MPV17L: variants seen among roughly 807,000 people sequenced by gnomAD.
MPV17L encodes the protein mpv17-like protein.
In MPV17L, 24 loss-of-function variants were observed where a neutral mutation model predicts 25.8. The ratio of observed to expected loss-of-function variants is 0.93; its 90% CI spans 0.67 to 1.31. The LOEUF is 1.31. Ranked by LOEUF, MPV17L falls within the 50% of genes most tolerant of loss-of-function variation. MPV17L has a pLI of 0.00. For missense variants in MPV17L, 250 were observed against 265.6 expected (o/e 0.94, Z 0.41); for synonymous variants, 102 against 115.3 (o/e 0.88, Z 0.74).
In MPV17L at chr16:15,412,739, A is replaced by AT. The variant is rs34761955; in HGVS notation, c.*4641dup. The AT allele has an allele frequency of 0.59, 85,841 of 144,514 alleles. 27,183 individuals carry two copies. Among genetic ancestry groups the AT allele is most frequent in the Middle Eastern group, 0.71 (203 of 286 alleles). 9.0% of individuals were successfully genotyped at this position (144,514 alleles called of 1,614,324 possible). A position where few individuals can be genotyped will look rare whatever the true frequency, so the allele number is the denominator to read the frequency against. On this transcript the variant is annotated 3_prime_UTR_variant, in exon 4 of 4. Coordinates refer to ENST00000396385, the MANE Select transcript of MPV17L (RefSeq NM_001128423.2). ...AGGCGCCCGCCACCATGACCCACTA[A>AT]TTTTTTTTTTTTTTGGATTTTTAGT...
Position 15,409,164 on chromosome 16 carries a change from C to G in MPV17L, c.*1052C>G, listed in dbSNP as rs945767909. 2.0e-5 allele frequency: 3 copies of G among 151,166 alleles called. No homozygotes were observed. Among genetic ancestry groups the G allele is most frequent in the Non-Finnish European group, 2.9e-5 (2 of 67,902 alleles). 9.4% of individuals were successfully genotyped at this position (151,166 alleles called of 1,614,324 possible). A position where few individuals can be genotyped will look rare whatever the true frequency, so the allele number is the denominator to read the frequency against. ...TGGCATGATTTCGGCTCACTGCAAC[C>G]TCTGTCTCCTGGGTTCAAACGATCC... On this transcript the variant is annotated 3_prime_UTR_variant, in exon 4 of 4. Coordinates refer to ENST00000396385, the MANE Select transcript of MPV17L (RefSeq NM_001128423.2).
rs551785795 is a variant in MPV17L, at chr16:15,413,052, A to C, written c.*4940A>C. On this transcript the variant is annotated 3_prime_UTR_variant, in exon 4 of 4. Transcript: ENST00000396385. ...AGTAAAATGTTATGTGAATTTCTAC[A>C]GAATGTTTGCTAGAATGAATTATAT... 5 of 152,332 alleles carry C rather than the reference A, an allele frequency of 3.3e-5. No homozygotes were observed. The East Asian group carries it at 9.6e-4, about 29-fold the overall frequency. 9.4% of individuals were successfully genotyped at this position (152,332 alleles called of 1,614,324 possible). A position where few individuals can be genotyped will look rare whatever the true frequency, so the allele number is the denominator to read the frequency against.
chr16:15,396,279 A>C (rs1413110618), intron 1 of MPV17L, 72 bp downstream of exon 1: 4 of 1,510,560 alleles, frequency 2.6e-6, no homozygotes, highest in Non-Finnish European at 2.7e-6. Flanking sequence ...CTCGGGGATC[A>C]AGCGGCTGGA....
chr16:15,401,227 C>T (rs1056561009), intron 2 of MPV17L, among the ~76,000 whole-genome samples: 6 of 150,950 alleles, frequency 4.0e-5, no homozygotes, highest in African/African-American at 1.5e-4. Context: ...ATCCTCCCAC[C>T]TCAGCCTCCT....
At chr16:15,403,223 G>A (rs1020689897) in intron 2 of MPV17L, among the ~76,000 whole-genome samples, 24 of 151,824 alleles carry the variant, frequency 1.6e-4, no homozygotes, top group Non-Finnish European at 1.2e-4. Context: ...CAACAAATTA[G>A]CAGGGCATGG....
At chr16:15,396,707 A>G (rs1055710241) in intron 1 of MPV17L, among the ~76,000 whole-genome samples, 1 of 152,184 alleles carries the variant, frequency 6.6e-6, no homozygotes, top group African/African-American at 2.4e-5. Flanking sequence ...ACACAGGAAC[A>G]AAATGCAAGG....
rs925661313 is a variant in MPV17L, at chr16:15,409,492, G to C, written c.*1380G>C. 3.3e-5 allele frequency: 5 copies of C among 152,108 alleles called. No homozygotes were observed. The highest frequency in any genetic ancestry group is 5.9e-5 in the Non-Finnish European group (4 of 68,030). 9.4% of individuals were successfully genotyped at this position (152,108 alleles called of 1,614,324 possible). ...TTTGTAATCCTCCCACCCTTAAGAA[G>C]GTTCTTTTTAATTCTCCCCACCCTT... On this transcript the variant is annotated 3_prime_UTR_variant, in exon 4 of 4. Transcript: ENST00000396385.
Position 15,408,068 on chromosome 16 carries a change from T to C in MPV17L, c.547T>C (p.Tyr183His), listed in dbSNP as rs374947171. The part of the protein sequence containing the change: ...GTFKSAFTIL[Y>H]TKGTSATEGY... ...ATTCAAGTCAGCTTTCACCATTTTATATACAAAGGGGACCAGTGCCACAGA... is the reference window on the plus strand; with the variant it reads ...ATTCAAGTCAGCTTTCACCATTTTACATACAAAGGGGACCAGTGCCACAGA... Residue 183 changes from tyrosine to histidine, a missense_variant, in exon 4 of 4, where the codon TAT becomes CAT. By Grantham distance (83) the Tyr-to-His change is moderately conservative. Coordinates refer to ENST00000396385, the MANE Select transcript of MPV17L (RefSeq NM_001128423.2). The C allele has an allele frequency of 2.5e-5, 40 of 1,612,680 alleles. No individual in the cohort carries two copies. The African/African-American group carries it at 5.2e-4, about 21-fold the overall frequency.
Position 15,409,545 on chromosome 16 carries a change from T to G in MPV17L, c.*1433T>G, listed in dbSNP as rs1186093307. On this transcript the variant is annotated 3_prime_UTR_variant, in exon 4 of 4. Coordinates refer to ENST00000396385, the MANE Select transcript of MPV17L (RefSeq NM_001128423.2). ...GAATGTACTTTGTGAGATCCACCCC[T>G]GCCCGCAAAACATTGCTCCAAACTC... 2 of 152,214 alleles carry G rather than the reference T, an allele frequency of 1.3e-5. No homozygotes were observed. Among genetic ancestry groups the G allele is most frequent in the Non-Finnish European group, 1.5e-5 (1 of 68,038 alleles). The allele number at this position is 152,214 out of a possible 1,614,324, so 9.4% of individuals were successfully genotyped here.
At chr16:15,399,652 AAG>A (rs2050617020) in intron 1 of MPV17L, 1 of 228,638 alleles carries the variant, frequency 4.4e-6, no homozygotes, top group South Asian at 5.2e-5. Context: ...TTGAAGATCA[AAG>A]TGTTTTTAGG....
chr16:15,400,068 G>A (rs2050619911), intron 1 of MPV17L, among the ~76,000 whole-genome samples: 1 of 152,138 alleles, frequency 6.6e-6, no homozygotes, highest in Non-Finnish European at 1.5e-5. Flanking sequence ...CTCCCAAAGT[G>A]CTGGGATTAC....
At chr16:15,406,568 G>A (rs781401782) in intron 2 of MPV17L, among the ~76,000 whole-genome samples, 1 of 151,944 alleles carries the variant, frequency 6.6e-6, no homozygotes, top group Non-Finnish European at 1.5e-5. Context: ...TTGTTCTATA[G>A]CATCACATGG....
Position 15,411,369 on chromosome 16 carries a change from G to C in MPV17L, c.*3257G>C, listed in dbSNP as rs1051441413. On this transcript the variant is annotated 3_prime_UTR_variant, in exon 4 of 4. Coordinates refer to ENST00000396385, the MANE Select transcript of MPV17L (RefSeq NM_001128423.2). ...TTTTGTATAAAAGTACTTGGGGCTG[G>C]GCATGATCGCTTATGTCTATAATCC... The C allele has an allele frequency of 6.6e-6, 1 of 152,154 alleles. No individual in the cohort carries two copies. The highest frequency in any genetic ancestry group is 2.4e-5 in the African/African-American group (1 of 41,426). The allele number at this position is 152,154 out of a possible 1,614,324, so 9.4% of individuals were successfully genotyped here.
chr16:15,397,018 G>A (rs1048834208), intron 1 of MPV17L, among the ~76,000 whole-genome samples: 1 of 152,102 alleles, frequency 6.6e-6, no homozygotes, highest in Admixed American at 6.5e-5. Context: ...GAAAAATACC[G>A]GGGTTCATTC....
intron 2 of MPV17L, among the ~76,000 whole-genome samples, chr16:15,404,174 G>T (rs919097958): frequency 3.9e-5 from 6 of 152,138 alleles, no homozygotes; most frequent in African/African-American, 1.4e-4. Flanking sequence ...CATTCCAGGG[G>T]CAGAAGAGCT....
At chr16:15,406,068 A>C (rs2150907557) in intron 2 of MPV17L, among the ~76,000 whole-genome samples, 1 of 152,014 alleles carries the variant, frequency 6.6e-6, no homozygotes, top group East Asian at 2.0e-4. Context: ...GTGCACCTGT[A>C]ATCCCAGCTA....
intron 2 of MPV17L, among the ~76,000 whole-genome samples, chr16:15,403,436 G>A (rs2050656264): frequency 6.6e-6 from 1 of 151,644 alleles, no homozygotes; most frequent in South Asian, 2.1e-4. Flanking sequence ...ACTTTGGGAG[G>A]CTAAGGCAGG....
At chr16:15,402,306 T>C (rs1235914808) in intron 2 of MPV17L, among the ~76,000 whole-genome samples, 1 of 152,192 alleles carries the variant, frequency 6.6e-6, no homozygotes, top group Non-Finnish European at 1.5e-5. Context: ...TAGAGCATGT[T>C]TGATTGCATT....
rs899121252 is a variant in MPV17L, at chr16:15,411,983, T to C, written c.*3871T>C. 1 of 152,242 alleles carries C rather than the reference T, an allele frequency of 6.6e-6. No homozygotes were observed. Among genetic ancestry groups the C allele is most frequent in the African/African-American group, 2.4e-5 (1 of 41,472 alleles). 9.4% of individuals were successfully genotyped at this position (152,242 alleles called of 1,614,324 possible). A position where few individuals can be genotyped will look rare whatever the true frequency, so the allele number is the denominator to read the frequency against. Reference sequence around the variant, plus strand: ...TAGCTTTAAATAATGCAGAAGCATATGCCCAGTTTACTTGTAATTAAAAAT... The same window carrying C: ...TAGCTTTAAATAATGCAGAAGCATACGCCCAGTTTACTTGTAATTAAAAAT... On this transcript the variant is annotated 3_prime_UTR_variant, in exon 4 of 4. Coordinates refer to ENST00000396385, the MANE Select transcript of MPV17L (RefSeq NM_001128423.2).
Sources: gnomAD v4.1 joint callset for allele counts (sites outside exome capture counted in the v4.1 genomes callset) on GRCh38, gnomAD v4.1.1 for gene constraint, MANE v1.5 for transcripts, NCBI Gene and HGNC (gene_info 2026-07-23, HGNC 2026-07-21) for gene names.